PCTP: variants seen among roughly 807,000 people sequenced by gnomAD.
PCTP encodes phosphatidylcholine transfer protein, also known as START domain-containing protein 2.
In PCTP, 27 loss-of-function variants were observed where a neutral mutation model predicts 31.0. That is an observed-to-expected ratio of 0.87 (90% confidence interval 0.64 to 1.20). PCTP has a LOEUF of 1.20. PCTP is among the 50% of genes most tolerant of loss of function. PCTP has a pLI of 0.00. For synonymous variants in PCTP, 108 were observed against 101.2 expected, an observed-to-expected ratio of 1.07 and a Z score of -0.40; for missense variants, 287 against 268.2, an observed-to-expected ratio of 1.07 and a Z score of -0.49.
chr17:55,795,490 A>G (rs960974335), intron 3 of PCTP, among the ~76,000 whole-genome samples: 1 of 152,042 alleles, frequency 6.6e-6, no homozygotes, highest in Non-Finnish European at 1.5e-5. Context: ...CAAGATCAAT[A>G]TTTATCAAGG....
intron 3 of PCTP, among the ~76,000 whole-genome samples, chr17:55,821,103 T>C (rs1598017125): frequency 6.6e-6 from 1 of 152,208 alleles, no homozygotes; most frequent in East Asian, 1.9e-4. Flanking sequence ...TAAATGTCCA[T>C]AGGAGCATTT....
intron 2 of PCTP, among the ~76,000 whole-genome samples, chr17:55,784,945 G>C (rs999905593): frequency 2.6e-5 from 4 of 152,120 alleles, no homozygotes; most frequent in African/African-American, 9.7e-5. Context: ...CCAACATCTG[G>C]AATGCTCTTC....
chr17:55,827,329 C>G (rs1341840987), downstream of PCTP, among the ~76,000 whole-genome samples: 1 of 152,198 alleles, frequency 6.6e-6, no homozygotes, highest in Non-Finnish European at 1.5e-5. Context: ...GACACCCCAG[C>G]CAACCACCAG....
intron 1 of PCTP, among the ~76,000 whole-genome samples, chr17:55,753,837 G>C (rs1909846968): frequency 6.6e-6 from 1 of 152,118 alleles, no homozygotes; most frequent in South Asian, 2.1e-4. Context: ...ATAAAACTGG[G>C]ATTTAGATCC....
chr17:55,811,301 A>G (rs1282037908), intron 3 of PCTP, among the ~76,000 whole-genome samples: 1 of 152,232 alleles, frequency 6.6e-6, no homozygotes, highest in Non-Finnish European at 1.5e-5. Context: ...AATTATTATC[A>G]TTATAGCAAA....
chr17:55,845,758 C>G (rs567038141), downstream of PCTP, among the ~76,000 whole-genome samples: 20 of 152,226 alleles, frequency 1.3e-4, no homozygotes, highest in East Asian at 1.4e-3. Flanking sequence ...GCCGAGCCCC[C>G]CCGTGAGGCC....
chr17:55,786,683 A>T (rs954965914), intron 2 of PCTP, among the ~76,000 whole-genome samples: 2 of 152,152 alleles, frequency 1.3e-5, no homozygotes, highest in Non-Finnish European at 2.9e-5. Flanking sequence ...TATCAAGTTT[A>T]TTACCTCTTT....
rs1360675900 is a variant in PCTP, at chr17:55,776,053, T to C, written c.598T>C (p.Leu200=). 6.2e-7 allele frequency: 1 copy of C among 1,614,012 alleles called. No individual in the cohort carries two copies. The highest frequency in any genetic ancestry group is 8.5e-7 in the Non-Finnish European group (1 of 1,179,944). Reference sequence around the variant, plus strand: ...TTTGCAGAATGGAGTTCCTAACTTCTTGAAAGACATGGCAAGAGCCTGTCA... The same window carrying C: ...TTTGCAGAATGGAGTTCCTAACTTCCTGAAAGACATGGCAAGAGCCTGTCA... ...WAAKNGVPNF[L]KDMARACQNY... The change falls in exon 6 of 6, where the codon TTG becomes CTG. Residue 200 remains leucine, a synonymous_variant. Transcript: ENST00000268896.
At chr17:55,825,944 C>A (rs922474500), downstream of PCTP, among the ~76,000 whole-genome samples, 2 of 152,208 alleles carry the variant, frequency 1.3e-5, no homozygotes, top group African/African-American at 4.8e-5. Flanking sequence ...TGATACTGTG[C>A]TTACCTTGTG....
At chr17:55,792,179 T>G (rs8074077) in intron 3 of PCTP, among the ~76,000 whole-genome samples, 4 of 106,170 alleles carry the variant, frequency 3.8e-5, no homozygotes, top group Admixed American at 1.0e-4. Flanking sequence ...GGGGGGAGGG[T>G]TAGCATTGGG....
chr17:55,785,794 T>G (rs1404952080), intron 2 of PCTP, among the ~76,000 whole-genome samples: 2 of 152,230 alleles, frequency 1.3e-5, no homozygotes, highest in East Asian at 3.8e-4. Flanking sequence ...TGATGATGCT[T>G]CAGTTTATTT....
chr17:55,809,919 T>C (rs1240521711), intron 3 of PCTP, among the ~76,000 whole-genome samples: 2 of 152,198 alleles, frequency 1.3e-5, no homozygotes, highest in African/African-American at 4.8e-5. Context: ...TGTAAAAACA[T>C]TGAAAACAAA....
intron 1 of PCTP, among the ~76,000 whole-genome samples, chr17:55,763,676 T>C (rs1910468717): frequency 6.6e-6 from 1 of 152,198 alleles, no homozygotes; most frequent in Non-Finnish European, 1.5e-5. Flanking sequence ...AAAGGAAATA[T>C]GTCAAATATT....
intron 5 of PCTP, among the ~76,000 whole-genome samples, chr17:55,836,771 C>G (rs185534407): frequency 6.6e-6 from 1 of 152,266 alleles, no homozygotes; most frequent in African/African-American, 2.4e-5. Context: ...TTGGTCACCT[C>G]CATGCTAAGA....
chr17:55,831,139 C>T (rs945378186), intron 5 of PCTP, among the ~76,000 whole-genome samples: 15 of 152,122 alleles, frequency 9.9e-5, no homozygotes, highest in African/African-American at 3.6e-4. Flanking sequence ...CTTCTCCTCC[C>T]ACTTTCCCTC....
chr17:55,767,560 G>C (rs1452048996), intron 2 of PCTP, 108 bp downstream of exon 2: 5 of 657,506 alleles, frequency 7.6e-6, no homozygotes, highest in Non-Finnish European at 1.3e-5. Flanking sequence ...CGCCTCCTGG[G>C]TTCAAGCGAT....
intron 1 of PCTP, among the ~76,000 whole-genome samples, chr17:55,761,865 T>C (rs142758324): frequency 2.6e-5 from 4 of 152,278 alleles, no homozygotes; most frequent in Admixed American, 1.3e-4. Context: ...TCATAAGTCT[T>C]ACCAGCACTA....
At chr17:55,814,657 C>T (rs1036188630) in intron 3 of PCTP, among the ~76,000 whole-genome samples, 1 of 152,216 alleles carries the variant, frequency 6.6e-6, no homozygotes, top group African/African-American at 2.4e-5. Context: ...GGCAGCTTCC[C>T]GAAGCCAATG....
intron 3 of PCTP, among the ~76,000 whole-genome samples, chr17:55,820,531 A>C (rs1469910482): frequency 6.6e-6 from 1 of 152,168 alleles, no homozygotes; most frequent in African/African-American, 2.4e-5. Flanking sequence ...AATCTCATTC[A>C]CGAGGATTCT....
Sources: gnomAD v4.1 joint callset for allele counts (sites outside exome capture counted in the v4.1 genomes callset) on GRCh38, gnomAD v4.1.1 for gene constraint, MANE v1.5 for transcripts, NCBI Gene and HGNC (gene_info 2026-07-23, HGNC 2026-07-21) for gene names.